METTL8: variants seen among roughly 807,000 people sequenced by gnomAD.
METTL8 encodes tRNA N(3)-cytidine methyltransferase METTL8, mitochondrial.
In METTL8, 32 loss-of-function variants were observed where a neutral mutation model predicts 48.7. That is an observed-to-expected ratio of 0.66 (90% CI 0.50 to 0.88). The LOEUF (loss-of-function observed/expected upper bound fraction) is 0.88. METTL8 is among the 40% of genes least tolerant of loss of function. METTL8 has a pLI of 0.00. For missense variants in METTL8, 464 were observed against 474.4 expected, an observed-to-expected ratio of 0.98 and a Z score of 0.20; for synonymous variants, 136 against 157.1, an observed-to-expected ratio of 0.87 and a Z score of 1.01.
At chr2:171,347,374 C>A (rs758447794) in intron 3 of METTL8, among the ~76,000 whole-genome samples, 9 of 152,118 alleles carry the variant, frequency 5.9e-5, no homozygotes, top group Non-Finnish European at 1.0e-4. Flanking sequence ...TCCTTTACTG[C>A]GGTTTCCAAG....
chr2:171,432,435 G>A (rs1251304828), intron 1 of METTL8, among the ~76,000 whole-genome samples: 1 of 152,150 alleles, frequency 6.6e-6, no homozygotes, highest in Non-Finnish European at 1.5e-5. Flanking sequence ...AAGGCCACAA[G>A]AAAGAAGACA....
intron 1 of METTL8, among the ~76,000 whole-genome samples, chr2:171,432,751 A>AAC (rs1481297536): frequency 9.9e-5 from 15 of 152,250 alleles, no homozygotes; most frequent in Admixed American, 2.6e-4. Flanking sequence ...ACTGTGACCC[A>AAC]ACACACTCAC....
intron 3 of METTL8, among the ~76,000 whole-genome samples, chr2:171,351,052 G>C (rs1455722743): frequency 6.6e-6 from 1 of 152,134 alleles, no homozygotes; most frequent in African/African-American, 2.4e-5. Context: ...CCTATGTCCT[G>C]AATGGTATTG....
intron 2 of METTL8, among the ~76,000 whole-genome samples, chr2:171,382,450 A>G (rs1687644477): frequency 6.6e-6 from 1 of 152,212 alleles, no homozygotes; most frequent in African/African-American, 2.4e-5. Context: ...AAACTAACGC[A>G]GGAATAGAAA....
At chr2:171,394,669 G>A (rs1346715862) in intron 1 of METTL8, among the ~76,000 whole-genome samples, 5 of 152,104 alleles carry the variant, frequency 3.3e-5, no homozygotes. Flanking sequence ...GCCTTGCATT[G>A]CTATTTATCT....
chr2:171,356,952 A>ATGTTTTTGTTTTTTT, intron 3 of METTL8, among the ~76,000 whole-genome samples: 1 of 78,468 alleles, frequency 1.3e-5, no homozygotes, highest in Non-Finnish European at 2.4e-5. Context: ...CAAAGACAAT[A>ATGTTTTTGTTTTTTT]TTTTTTTTTT....
At chr2:171,363,817 T>TATATATATATATATATATGTATATATATA (rs1228494441) in intron 2 of METTL8, among the ~76,000 whole-genome samples, 1 of 129,058 alleles carries the variant, frequency 7.7e-6, no homozygotes, top group Non-Finnish European at 1.7e-5. Flanking sequence ...TATATATATC[T>TATATATATATATATATATGTATATATATA]TTTTTTTTTT....
At chr2:171,349,561 C>A (rs1367533442) in intron 3 of METTL8, among the ~76,000 whole-genome samples, 1 of 152,188 alleles carries the variant, frequency 6.6e-6, no homozygotes, top group African/African-American at 2.4e-5. Context: ...AACCATTCAT[C>A]TGATGATGGG....
intron 2 of METTL8, among the ~76,000 whole-genome samples, chr2:171,390,091 C>T (rs1688449205): frequency 6.6e-6 from 1 of 152,094 alleles, no homozygotes; most frequent in South Asian, 2.1e-4. Context: ...ATCCTAGGGC[C>T]CTTAAAAATT....
At chr2:171,395,358 C>G (rs538561479) in intron 1 of METTL8, among the ~76,000 whole-genome samples, 45 of 152,130 alleles carry the variant, frequency 3.0e-4, no homozygotes, top group African/African-American at 9.9e-4. Context: ...GTAAACCCAA[C>G]CATATCAATA....
intron 1 of METTL8, among the ~76,000 whole-genome samples, chr2:171,420,473 G>C (rs1691760639): frequency 6.6e-6 from 1 of 152,156 alleles, no homozygotes; most frequent in African/African-American, 2.4e-5. Context: ...TGGAATTTTA[G>C]TTCTGCAAAT....
intron 1 of METTL8, among the ~76,000 whole-genome samples, chr2:171,418,903 C>T (rs146310636): frequency 0.016 from 2,387 of 151,926 alleles, 35 homozygotes; most frequent in Middle Eastern, 0.027. Flanking sequence ...TGCAGTGAGC[C>T]GAGATCATGC....
At chr2:171,369,970 G>A (rs929415517) in intron 2 of METTL8, among the ~76,000 whole-genome samples, 1 of 151,880 alleles carries the variant, frequency 6.6e-6, no homozygotes, top group Non-Finnish European at 1.5e-5. Context: ...GAAGGCTGAG[G>A]TAGGAGAATC....
intron 1 of METTL8, among the ~76,000 whole-genome samples, chr2:171,398,502 G>A (rs1183989625): frequency 2.0e-5 from 3 of 152,102 alleles, no homozygotes; most frequent in Non-Finnish European, 4.4e-5. Flanking sequence ...AGAGGTTGGG[G>A]AAGGGGGAAT....
chr2:171,434,650 G>C (rs1214509344), upstream of METTL8: 6 of 1,535,478 alleles, frequency 3.9e-6, no homozygotes, highest in Admixed American at 1.9e-5. Flanking sequence ...CTCGCGCGAC[G>C]CAGGCGTGGT....
At chr2:171,416,217 G>A (rs1691301093) in intron 1 of METTL8, among the ~76,000 whole-genome samples, 1 of 152,184 alleles carries the variant, frequency 6.6e-6, no homozygotes, top group African/African-American at 2.4e-5. Context: ...GCCCAGCCTT[G>A]CTGCTGAAGC....
intron 1 of METTL8, among the ~76,000 whole-genome samples, chr2:171,403,236 T>C (rs1689818097): frequency 6.6e-6 from 1 of 152,108 alleles, no homozygotes; most frequent in African/African-American, 2.4e-5. Context: ...CTCAGCCAGG[T>C]GATCAAGGTT....
At chr2:171,385,494 A>G (rs1314107428) in intron 2 of METTL8, among the ~76,000 whole-genome samples, 1 of 152,208 alleles carries the variant, frequency 6.6e-6, no homozygotes, top group South Asian at 2.1e-4. Flanking sequence ...CTTCTCCTTA[A>G]GAAGAAAAAA....
intron 7 of METTL8, among the ~76,000 whole-genome samples, chr2:171,327,782 T>C (rs1685106836): frequency 6.6e-6 from 1 of 152,322 alleles, no homozygotes; most frequent in East Asian, 1.9e-4. Flanking sequence ...ACAGGTTATT[T>C]TCATACTGTG....
Sources: allele counts gnomAD v4.1 joint callset (sites outside exome capture counted in the v4.1 genomes callset), GRCh38; gene constraint gnomAD v4.1.1; transcripts MANE v1.5; gene names NCBI Gene and HGNC (gene_info 2026-07-23, HGNC 2026-07-21).